Variants in VWA8 observed in about 807,000 individuals in gnomAD.
The protein encoded by VWA8 is von Willebrand factor A domain containing 8, also known as von Willebrand factor A domain-containing protein 8.
A neutral mutation model predicts 241.5 loss-of-function variants in VWA8; 221 were observed. The ratio of observed to expected loss-of-function variants is 0.91; its 90% confidence interval spans 0.82 to 1.02. The LOEUF (loss-of-function observed/expected upper bound fraction) is 1.02. Among genes scored for constraint, VWA8 ranks in the 50% least tolerant of loss-of-function variants. The pLI is 0.00. For synonymous variants in VWA8, 852 were observed against 827.1 expected, an observed-to-expected ratio of 1.03 and a Z score of -0.52; for missense variants, 2,322 against 2,328.7, an observed-to-expected ratio of 1.00 and a Z score of 0.06.
At chr13:41,761,588 C>G (rs1285396651) in intron 20 of VWA8, among the ~76,000 whole-genome samples, 1 of 151,958 alleles carries the variant, frequency 6.6e-6, no homozygotes, top group Non-Finnish European at 1.5e-5. Context: ...AATGGTTTTT[C>G]TAATCAGTTC....
intron 2 of VWA8, among the ~76,000 whole-genome samples, chr13:41,946,551 T>C (rs1273914833): frequency 6.6e-6 from 1 of 151,754 alleles, no homozygotes; most frequent in Non-Finnish European, 1.5e-5. Context: ...TACATTGGAG[T>C]AGTTTATATA....
At chr13:41,667,110 G>A (rs2044991736) in intron 37 of VWA8, among the ~76,000 whole-genome samples, 1 of 152,150 alleles carries the variant, frequency 6.6e-6, no homozygotes, top group Admixed American at 6.6e-5. Flanking sequence ...AGATTACCTA[G>A]CATGTAAATT....
At chr13:41,757,804 A>G (rs539350546) in intron 21 of VWA8, among the ~76,000 whole-genome samples, 2 of 151,800 alleles carry the variant, frequency 1.3e-5, no homozygotes, top group Admixed American at 1.3e-4. Flanking sequence ...AGAAACATGG[A>G]AAGTTGGGAG....
chr13:41,726,708 C>T (rs2045436999), intron 24 of VWA8, among the ~76,000 whole-genome samples: 1 of 152,054 alleles, frequency 6.6e-6, no homozygotes, highest in Non-Finnish European at 1.5e-5. Context: ...AAAATAATCT[C>T]TCTGGGCCGG....
chr13:41,592,822 T>C (rs2044465195), intron 40 of VWA8, among the ~76,000 whole-genome samples: 1 of 152,142 alleles, frequency 6.6e-6, no homozygotes, highest in Non-Finnish European at 1.5e-5. Flanking sequence ...GCAAATTACT[T>C]AACCTGTCGG....
At chr13:41,712,712 T>C (rs149043619) in intron 26 of VWA8, among the ~76,000 whole-genome samples, 4 of 152,366 alleles carry the variant, frequency 2.6e-5, no homozygotes, top group South Asian at 4.1e-4. Flanking sequence ...CTATCACTTA[T>C]TGGTTGTAGA....
At chr13:41,670,326 C>G (rs1383684822) in intron 37 of VWA8, among the ~76,000 whole-genome samples, 1 of 151,262 alleles carries the variant, frequency 6.6e-6, no homozygotes, top group African/African-American at 2.4e-5. Context: ...CAGACAGCAA[C>G]TAGATTGATT....
chr13:41,624,911 C>T lies in VWA8; in HGVS notation c.4612-9827G>A, dbSNP rs991161611. On this transcript the variant is annotated intron_variant, in intron 37 of 44. Coordinates refer to ENST00000379310, the MANE Select transcript of VWA8 (RefSeq NM_015058.2). ...CTTCTCCAATGATATGATTCTATAC[C>T]TATAAAACCCTGTAGTCTCTGCCCA... Among the ~76,000 whole-genome samples, 5 of 152,104 alleles carry T rather than the reference C, an allele frequency of 3.3e-5. No individual in the cohort carries two copies. The South Asian group carries it at 1.0e-3, about 32-fold the overall frequency.
intron 8 of VWA8, among the ~76,000 whole-genome samples, chr13:41,883,882 T>C (rs888383209): frequency 6.6e-6 from 1 of 152,202 alleles, no homozygotes; most frequent in Non-Finnish European, 1.5e-5. Context: ...TGATCCCTTT[T>C]TATTCCTAAG....
chr13:41,571,998 C>T (rs1366075132), intron 43 of VWA8, among the ~76,000 whole-genome samples: 5 of 151,864 alleles, frequency 3.3e-5, no homozygotes, highest in African/African-American at 4.8e-5. Context: ...TGCCCGGTGG[C>T]GACCCCGTCT....
intron 2 of VWA8, among the ~76,000 whole-genome samples, chr13:41,938,663 A>G (rs1369793089): frequency 6.6e-6 from 1 of 152,042 alleles, no homozygotes; most frequent in Non-Finnish European, 1.5e-5. Flanking sequence ...AAAAAAAAAA[A>G]ATACATCTAA....
At chr13:41,747,825 C>G (rs2045621489) in intron 21 of VWA8, among the ~76,000 whole-genome samples, 1 of 152,146 alleles carries the variant, frequency 6.6e-6, no homozygotes, top group South Asian at 2.1e-4. Flanking sequence ...TGAATTTTGT[C>G]AAAGGCCTTT....
chr13:41,671,818 C>G (rs931954113), intron 36 of VWA8, among the ~76,000 whole-genome samples: 2 of 152,042 alleles, frequency 1.3e-5, no homozygotes, highest in African/African-American at 4.8e-5. Context: ...ATTGGCTGGC[C>G]CCTTTATTTT....
rs564939714 is a variant in VWA8 at position 41,827,904 on chromosome 13, T to A, written c.1700+2625A>T. On this transcript the variant is annotated intron_variant, in intron 14 of 44. Transcript: ENST00000379310. Reference sequence around the variant, plus strand: ...TTGGAGACAAGTAGAATGCTTCTGATGTCCTAAGAGAAACTGCCAGGCAGG... The same window carrying A: ...TTGGAGACAAGTAGAATGCTTCTGAAGTCCTAAGAGAAACTGCCAGGCAGG... Among the ~76,000 whole-genome samples the A allele has an allele frequency of 2.0e-5, 3 of 152,356 alleles. No individual in the cohort carries two copies. In the East Asian group the frequency reaches 5.8e-4, roughly 29 times the overall value.
intron 2 of VWA8, among the ~76,000 whole-genome samples, chr13:41,914,075 C>T (rs750457872): frequency 1.3e-4 from 20 of 152,170 alleles, no homozygotes; most frequent in Non-Finnish European, 2.9e-4. Context: ...AGCCTGTAGT[C>T]CCAGCTACTC....
rs563808136 is a variant in VWA8, at chr13:41,791,992, C to T, written c.2064-4449G>A. On this transcript the variant is annotated intron_variant, in intron 17 of 44. Transcript: ENST00000379310. The stretch of plus-strand genomic sequence containing the variant: ...CATCCCAACAGCAGTGATGAAATTA[C>T]ATTCCTCTCCATTCATAAAAAATGT... 1.4e-4 allele frequency among the ~76,000 whole-genome samples: 21 copies of T among 151,756 alleles called. 1 individual carries two copies. The South Asian group carries it at 4.4e-3, about 32-fold the overall frequency.
intron 17 of VWA8, chr13:41,808,079 A>T (rs1290060031): frequency 6.6e-6 from 1 of 152,226 alleles, no homozygotes; most frequent in East Asian, 1.9e-4. Flanking sequence ...CTTATATCAG[A>T]CAAAATAGAC....
At chr13:41,732,633 C>T (rs1007262217) in intron 21 of VWA8, among the ~76,000 whole-genome samples, 1 of 152,020 alleles carries the variant, frequency 6.6e-6, no homozygotes, top group African/African-American at 2.4e-5. Flanking sequence ...TCACTAGGTG[C>T]CAAAGCCAGA....
chr13:41,961,075 CAGGCACCGTG>C lies in VWA8; in HGVS notation c.-70_-61del. 7.5e-7 allele frequency: 1 copy of C among 1,332,770 alleles called. No homozygotes were observed. Among genetic ancestry groups the C allele is most frequent in the Non-Finnish European group, 9.6e-7 (1 of 1,041,302 alleles). The allele number at this position is 1,332,770 out of a possible 1,614,324, so 82.6% of individuals were successfully genotyped here. A position where few individuals can be genotyped will look rare whatever the true frequency, so the allele number is the denominator to read the frequency against. On this transcript the variant is annotated 5_prime_UTR_variant, in exon 1 of 45. Transcript: ENST00000379310. The stretch of plus-strand genomic sequence containing the variant: ...CTCGGGGATCGAGCGGCGTCCCGTG[CAGGCACCGTG>C]AGGCAGCGCGGAGAAGGGGACAGGA...
Sources: allele counts gnomAD v4.1 joint callset (sites outside exome capture counted in the v4.1 genomes callset), GRCh38; gene constraint gnomAD v4.1.1; transcripts MANE v1.5; gene names NCBI Gene and HGNC (gene_info 2026-07-23, HGNC 2026-07-21).